CDH12: variants seen among roughly 807,000 people sequenced by gnomAD.
CDH12 encodes the protein cadherin-12.
In CDH12, 41 loss-of-function variants were observed where a neutral mutation model predicts 74.1. The observed-to-expected ratio is 0.55, with a 90% confidence interval of 0.43 to 0.72. The LOEUF (loss-of-function observed/expected upper bound fraction) is 0.72, where lower values mean the gene tolerates loss of function less well. Ranked by LOEUF, CDH12 falls within the 30% of genes least tolerant of loss-of-function variation. The probability of loss-of-function intolerance (pLI) is 0.00; values close to 1 mark genes in which losing one functional copy is unlikely to be tolerated. For synonymous variants in CDH12, 399 were observed against 355.0 expected (o/e 1.12, Z -1.39); for missense variants, 945 against 977.2 (o/e 0.97, Z 0.44).
chr5:22,682,805 A>G (rs933701752), intron 1 of CDH12, among the ~76,000 whole-genome samples: 1 of 152,096 alleles, frequency 6.6e-6, no homozygotes, highest in African/African-American at 2.4e-5. Context: ...CCTCAGAAAA[A>G]AAAAGCAAAA....
intron 1 of CDH12, among the ~76,000 whole-genome samples, chr5:22,605,444 G>A (rs1053699108): frequency 2.0e-5 from 3 of 152,190 alleles, no homozygotes; most frequent in Admixed American, 1.3e-4. Flanking sequence ...GTTCTCAGAC[G>A]ATAGCACAAC....
At chr5:22,413,539 T>C (rs930292365) in intron 2 of CDH12, among the ~76,000 whole-genome samples, 2 of 152,016 alleles carry the variant, frequency 1.3e-5, no homozygotes, top group South Asian at 2.1e-4. Flanking sequence ...TAAAATTATA[T>C]TGCTTTGAAA....
intron 6 of CDH12, among the ~76,000 whole-genome samples, chr5:21,874,504 G>A (rs1044103113): frequency 2.0e-5 from 3 of 152,120 alleles, no homozygotes; most frequent in East Asian, 3.9e-4. Flanking sequence ...ATCATCTATC[G>A]CCTAAAAGCA....
chr5:22,796,899 G>C (rs1561037632), intron 1 of CDH12, among the ~76,000 whole-genome samples: 1 of 152,006 alleles, frequency 6.6e-6, no homozygotes, highest in Non-Finnish European at 1.5e-5. Context: ...ATCATAGGAG[G>C]AAAAGCAAGT....
chr5:22,341,699 A>G (rs943219032), intron 3 of CDH12, among the ~76,000 whole-genome samples: 5 of 152,144 alleles, frequency 3.3e-5, no homozygotes, highest in African/African-American at 1.2e-4. Context: ...TGTTTTAGTC[A>G]TGCAGCTCTT....
At chr5:22,116,457 T>C (rs1214813275) in intron 4 of CDH12, among the ~76,000 whole-genome samples, 1 of 152,048 alleles carries the variant, frequency 6.6e-6, no homozygotes, top group Non-Finnish European at 1.5e-5. Flanking sequence ...TACAAAAAAT[T>C]AGCCAGGCGT....
chr5:22,422,302 T>A (rs573377971), intron 2 of CDH12, among the ~76,000 whole-genome samples: 195 of 152,264 alleles, frequency 1.3e-3, no homozygotes, highest in Non-Finnish European at 2.4e-3. Flanking sequence ...CCTGAAGGGA[T>A]GTTGAATTTT....
chr5:22,558,642 AAG>A (rs1039877525), intron 1 of CDH12, among the ~76,000 whole-genome samples: 2 of 152,010 alleles, frequency 1.3e-5, no homozygotes, highest in Non-Finnish European at 2.9e-5. Context: ...AAAATAAACA[AAG>A]AGAGGGGGAA....
chr5:21,972,687 C>T (rs1235806359), intron 6 of CDH12, among the ~76,000 whole-genome samples: 1 of 151,954 alleles, frequency 6.6e-6, no homozygotes, highest in Non-Finnish European at 1.5e-5. Context: ...AATTGGGTCT[C>T]CTTGTTTTTT....
chr5:22,753,895 A>G (rs1745740121), intron 1 of CDH12, among the ~76,000 whole-genome samples: 1 of 152,174 alleles, frequency 6.6e-6, no homozygotes, highest in East Asian at 1.9e-4. Context: ...AATCCCTATT[A>G]TCTAACTTCT....
At chr5:22,709,202 C>T (rs1391118008) in intron 1 of CDH12, among the ~76,000 whole-genome samples, 1 of 152,062 alleles carries the variant, frequency 6.6e-6, no homozygotes, top group Non-Finnish European at 1.5e-5. Flanking sequence ...TCTATGAGAT[C>T]TGGGAGACAA....
At chr5:21,855,040 T>C (rs1264036970) in intron 6 of CDH12, among the ~76,000 whole-genome samples, 2 of 151,700 alleles carry the variant, frequency 1.3e-5, no homozygotes, top group South Asian at 2.1e-4. Flanking sequence ...ATCATCGAAA[T>C]GAAAGTCATC....
chr5:22,752,307 A>G (rs1237998460), intron 1 of CDH12, among the ~76,000 whole-genome samples: 3 of 151,928 alleles, frequency 2.0e-5, no homozygotes, highest in African/African-American at 7.2e-5. Flanking sequence ...CATGTATTAT[A>G]TTAATTAATA....
At chr5:22,457,431 T>A (rs1426252440) in intron 2 of CDH12, among the ~76,000 whole-genome samples, 4 of 151,944 alleles carry the variant, frequency 2.6e-5, no homozygotes, top group Non-Finnish European at 4.4e-5. Context: ...CTTCATTTTT[T>A]TTTTTTGAGA....
chr5:21,925,377 C>T (rs1004406797), intron 6 of CDH12, among the ~76,000 whole-genome samples: 1 of 152,158 alleles, frequency 6.6e-6, no homozygotes, highest in Admixed American at 6.5e-5. Context: ...ATGAGATAAA[C>T]CTCTAATTAT....
chr5:22,075,499 G>A (rs1742255188), intron 5 of CDH12, among the ~76,000 whole-genome samples: 1 of 151,922 alleles, frequency 6.6e-6, no homozygotes, highest in East Asian at 1.9e-4. Flanking sequence ...TCCACTTAAT[G>A]AATGGTAAAT....
chr5:22,711,454 G>A (rs945966192), intron 1 of CDH12, among the ~76,000 whole-genome samples: 1 of 151,992 alleles, frequency 6.6e-6, no homozygotes, highest in Non-Finnish European at 1.5e-5. Context: ...AAATACCCAG[G>A]CATAACAAAG....
intron 2 of CDH12, among the ~76,000 whole-genome samples, chr5:22,491,462 A>G (rs530606573): frequency 1.1e-3 from 166 of 152,212 alleles, no homozygotes; most frequent in South Asian, 1.9e-3. Flanking sequence ...GGGATCATCT[A>G]TTAGTTAACT....
chr5:22,330,325 C>T (rs915096274), intron 3 of CDH12, among the ~76,000 whole-genome samples: 1 of 151,982 alleles, frequency 6.6e-6, no homozygotes, highest in African/African-American at 2.4e-5. Context: ...ACTAAAGAAC[C>T]CTTGGGCCCT....
Sources: gnomAD v4.1 joint callset for allele counts (sites outside exome capture counted in the v4.1 genomes callset) on GRCh38, gnomAD v4.1.1 for gene constraint, MANE v1.5 for transcripts, NCBI Gene and HGNC (gene_info 2026-07-23, HGNC 2026-07-21) for gene names.